Variants in CARM1 observed in about 807,000 individuals in gnomAD.
CARM1 encodes coactivator associated arginine methyltransferase 1.
In CARM1, 14 loss-of-function variants were observed where a neutral mutation model predicts 72.7. The observed-to-expected ratio is 0.19, with a 90% CI of 0.13 to 0.30. The LOEUF (loss-of-function observed/expected upper bound fraction) is 0.30, where lower values mean the gene tolerates loss of function less well. CARM1 is among the 10% of genes least tolerant of loss of function. The pLI is 1.00. For synonymous variants in CARM1, 333 were observed against 345.5 expected (o/e 0.96, Z 0.40); for missense variants, 432 against 833.7 (o/e 0.52, Z 5.93).
At chr19:10,914,757 T>C (rs908938238) in intron 6 of CARM1, among the ~76,000 whole-genome samples, 1 of 152,156 alleles carries the variant, frequency 6.6e-6, no homozygotes, top group Non-Finnish European at 1.5e-5. Flanking sequence ...GGTTTCACCG[T>C]GTTGGTCAGG....
intron 1 of CARM1, among the ~76,000 whole-genome samples, chr19:10,881,211 G>A (rs2073899995): frequency 6.6e-6 from 1 of 152,118 alleles, no homozygotes; most frequent in Non-Finnish European, 1.5e-5. Flanking sequence ...ATATGAAAAG[G>A]AAGAAAGAAA....
Position 10,916,961 on chromosome 19 carries a change from C to T in CARM1, c.1020+184C>T, listed in dbSNP as rs1246251318. Among the ~76,000 whole-genome samples, 5 of 152,102 alleles carry T rather than the reference C, an allele frequency of 3.3e-5. No individual in the cohort carries two copies. The highest frequency in any genetic ancestry group is 3.3e-4 in the Admixed American group (5 of 15,268). On this transcript the variant is annotated intron_variant, in intron 8 of 15. Coordinates refer to ENST00000327064, the MANE Select transcript of CARM1 (RefSeq NM_199141.2). This position sits in a 1 kb window ranked among gnomAD's most constrained non-coding sequence, Gnocchi z 4.4. ...CTTAGCACACAGCACACATGCAATACATGTGGAACATTATTAGGTGAGGCT... is the reference window on the plus strand; with the variant it reads ...CTTAGCACACAGCACACATGCAATATATGTGGAACATTATTAGGTGAGGCT...
Position 10,871,592 on chromosome 19 carries a change from G to T in CARM1, c.-111G>T. ...CGGCTGCGGCGGCGGTAGCGGCAGC[G>T]GCGGCGGCGGCGGCGGCGGCGGCGG... On this transcript the variant is annotated 5_prime_UTR_variant, in exon 1 of 16. Coordinates refer to ENST00000327064, the MANE Select transcript of CARM1 (RefSeq NM_199141.2). This position sits in a 1 kb window ranked among gnomAD's most constrained non-coding sequence, Gnocchi z 5.6. 1 of 50,972 alleles carries T rather than the reference G, an allele frequency of 2.0e-5. No homozygotes were observed. Among genetic ancestry groups the T allele is most frequent in the South Asian group, 5.5e-4 (1 of 1,804 alleles). 3.2% of individuals were successfully genotyped at this position (50,972 alleles called of 1,614,324 possible).
intron 1 of CARM1, among the ~76,000 whole-genome samples, chr19:10,894,210 A>C (rs1387591769): frequency 6.6e-6 from 1 of 151,992 alleles, no homozygotes; most frequent in Non-Finnish European, 1.5e-5. Flanking sequence ...CCGTCTCCTC[A>C]CTGCCCTGCT....
At chr19:10,897,112 C>T (rs961091875) in intron 1 of CARM1, among the ~76,000 whole-genome samples, 1 of 152,210 alleles carries the variant, frequency 6.6e-6, no homozygotes, top group Non-Finnish European at 1.5e-5. Flanking sequence ...CAGCCAAGGC[C>T]TGCTCTAGGA....
At chr19:10,894,451 G>T (rs910619801) in intron 1 of CARM1, among the ~76,000 whole-genome samples, 3 of 152,064 alleles carry the variant, frequency 2.0e-5, no homozygotes, top group Non-Finnish European at 4.4e-5. Context: ...CTCCTCCTTT[G>T]ATCGGGAATA....
intron 2 of CARM1, among the ~76,000 whole-genome samples, chr19:10,906,205 C>T (rs1373521637): frequency 6.6e-6 from 1 of 152,154 alleles, no homozygotes; most frequent in Non-Finnish European, 1.5e-5. Context: ...CCACCCGCCT[C>T]AGCCTCCCAA....
intron 1 of CARM1, among the ~76,000 whole-genome samples, chr19:10,878,909 C>A (rs1249551926): frequency 6.6e-6 from 1 of 151,642 alleles, no homozygotes; most frequent in Non-Finnish European, 1.5e-5. Flanking sequence ...CGGGTTCAAG[C>A]GATTCTCCTG....
At chr19:10,887,835 T>C (rs1599689404) in intron 1 of CARM1, among the ~76,000 whole-genome samples, 3 of 152,300 alleles carry the variant, frequency 2.0e-5, no homozygotes, top group African/African-American at 4.8e-5. Context: ...ATTTCCTCCA[T>C]TGGAGGCTGC....
intron 4 of CARM1, among the ~76,000 whole-genome samples, chr19:10,909,580 C>T (rs2074131040): frequency 6.6e-6 from 1 of 151,858 alleles, no homozygotes; most frequent in Non-Finnish European, 1.5e-5. Context: ...CTAAAAAATA[C>T]AAAAAAATTA....
chr19:10,891,115 CGGT>C (rs2073984926), intron 1 of CARM1, among the ~76,000 whole-genome samples: 1 of 151,738 alleles, frequency 6.6e-6, no homozygotes, highest in Non-Finnish European at 1.5e-5. Context: ...AGAACTCTCT[CGGT>C]GGCTCCTTCT....
intron 1 of CARM1, among the ~76,000 whole-genome samples, chr19:10,891,536 G>C (rs1377423453): frequency 3.9e-5 from 6 of 152,208 alleles, no homozygotes; most frequent in Non-Finnish European, 7.3e-5. Context: ...CTGTCCGCCA[G>C]CCTCCAGCTG....
chr19:10,891,695 C>A (rs1351335182), intron 1 of CARM1, among the ~76,000 whole-genome samples: 1 of 152,282 alleles, frequency 6.6e-6, no homozygotes, highest in Non-Finnish European at 1.5e-5. Context: ...CTCCCGCCCC[C>A]AGCCTTCGCC....
At chr19:10,873,404 G>A (rs1314286523) in intron 1 of CARM1, among the ~76,000 whole-genome samples, 1 of 151,716 alleles carries the variant, frequency 6.6e-6, no homozygotes, top group African/African-American at 2.4e-5. Context: ...GACCAGCCTG[G>A]CCAACATGGT....
Position 10,915,194 on chromosome 19 carries a change from T to C in CARM1, c.847+1140T>C, listed in dbSNP as rs2074185483. 6.6e-6 allele frequency among the ~76,000 whole-genome samples: 1 copy of C among 152,042 alleles called. No individual in the cohort carries two copies. Among genetic ancestry groups the C allele is most frequent in the Admixed American group, 6.6e-5 (1 of 15,264 alleles). ...TGGCGTCCCACAGCTGTGTCTCATG[T>C]CTTGGGTGTGAGTATGGGAAGCAAG... is the stretch of plus-strand genomic sequence containing the variant. On this transcript the variant is annotated intron_variant, in intron 6 of 15. Coordinates refer to ENST00000327064, the MANE Select transcript of CARM1 (RefSeq NM_199141.2). This position sits in a 1 kb window ranked among gnomAD's most constrained non-coding sequence, Gnocchi z 4.6.
At chr19:10,903,564 CT>C (rs1203997737) in intron 1 of CARM1, among the ~76,000 whole-genome samples, 10,013 of 142,674 alleles carry the variant, frequency 0.07, 333 homozygotes, top group South Asian at 0.083. Context: ...CCCTAGTTGT[CT>C]TTTTTTTTTT....
intron 1 of CARM1, among the ~76,000 whole-genome samples, chr19:10,873,526 T>C (rs993305767): frequency 2.1e-4 from 31 of 149,302 alleles, no homozygotes; most frequent in Admixed American, 1.9e-3. Context: ...GAGGCAGAGG[T>C]TGCAATGAGC....
chr19:10,903,336 C>A (rs2074079675), intron 1 of CARM1, among the ~76,000 whole-genome samples: 1 of 152,120 alleles, frequency 6.6e-6, no homozygotes, highest in African/African-American at 2.4e-5. Context: ...ACTGTTTTGG[C>A]TATTCAGGGT....
chr19:10,917,244 T>C (rs998484168), intron 8 of CARM1, among the ~76,000 whole-genome samples: 7 of 152,084 alleles, frequency 4.6e-5, no homozygotes, highest in African/African-American at 1.7e-4. Context: ...CCCAGCACTT[T>C]GGGAGGCCAA....
Sources: allele counts gnomAD v4.1 joint callset (sites outside exome capture counted in the v4.1 genomes callset), GRCh38; gene constraint gnomAD v4.1.1; non-coding constraint Gnocchi (gnomAD v3.1); transcripts MANE v1.5; gene names NCBI Gene and HGNC (gene_info 2026-07-23, HGNC 2026-07-21).